Variants in PPARG observed in about 807,000 individuals in gnomAD.
PPARG encodes peroxisome proliferator-activated receptor gamma.
In PPARG, 17 loss-of-function variants were observed where a neutral mutation model predicts 39.2. The ratio of observed to expected loss-of-function variants is 0.43; its 90% CI spans 0.30 to 0.65. PPARG has a LOEUF of 0.65. Among genes scored for constraint, PPARG ranks in the 30% least tolerant of loss-of-function variants. The probability of loss-of-function intolerance (pLI) is 0.13; values close to 1 mark genes in which losing one functional copy is unlikely to be tolerated. For synonymous variants in PPARG, 223 were observed against 215.7 expected, an observed-to-expected ratio of 1.03 and a Z score of -0.30; for missense variants, 406 against 585.9, an observed-to-expected ratio of 0.69 and a Z score of 3.17.
intron 5 of PPARG, among the ~76,000 whole-genome samples, chr3:12,398,733 T>C (rs2050356488): frequency 1.3e-5 from 2 of 152,100 alleles, no homozygotes; most frequent in African/African-American, 2.4e-5. Flanking sequence ...GTCACCAGAA[T>C]TAAAGGCTGG....
chr3:12,427,418 C>A (rs930204084), intron 7 of PPARG, among the ~76,000 whole-genome samples: 6 of 152,168 alleles, frequency 3.9e-5, no homozygotes, highest in African/African-American at 1.4e-4. Flanking sequence ...CTGCTCTAAC[C>A]AAGAACAACT....
intron 2 of PPARG, among the ~76,000 whole-genome samples, chr3:12,364,552 G>A (rs898112913): frequency 6.6e-6 from 1 of 152,154 alleles, no homozygotes; most frequent in South Asian, 2.1e-4. Context: ...GTTTTCAATT[G>A]ATTTGTGTAC....
intron 4 of PPARG, among the ~76,000 whole-genome samples, chr3:12,385,364 C>A (rs1310803632): frequency 6.6e-6 from 1 of 152,006 alleles, no homozygotes; most frequent in Non-Finnish European, 1.5e-5. Flanking sequence ...TGATTCTTGC[C>A]AAAAATTCAG....
chr3:12,288,979 G>A (rs1270489114), upstream of PPARG: 1 of 152,412 alleles, frequency 6.6e-6, no homozygotes, highest in African/African-American at 2.4e-5. Flanking sequence ...TTACGCCTCG[G>A]TGTTTAGGGA....
intron 2 of PPARG, chr3:12,344,856 A>G (rs963319377): frequency 6.6e-6 from 1 of 152,226 alleles, no homozygotes; most frequent in Admixed American, 6.5e-5. Flanking sequence ...CGAAAAGATA[A>G]GAAAACAGAG....
intron 1 of PPARG, among the ~76,000 whole-genome samples, chr3:12,309,583 A>G (rs935004366): frequency 6.6e-6 from 1 of 152,224 alleles, no homozygotes. Context: ...CTACTGAGAA[A>G]CAGCTTATGT....
chr3:12,431,928 G>C (rs1383417886), intron 7 of PPARG, among the ~76,000 whole-genome samples: 2 of 150,774 alleles, frequency 1.3e-5, no homozygotes, highest in Non-Finnish European at 1.5e-5. Context: ...TTAAGACTCT[G>C]TCACAAAAAA....
intron 2 of PPARG, among the ~76,000 whole-genome samples, chr3:12,375,224 A>G (rs2049364429): frequency 6.6e-6 from 1 of 151,944 alleles, no homozygotes. Flanking sequence ...CTGTCTCTTT[A>G]AAAGTGAGGT....
At chr3:12,396,612 G>A (rs1474904896) in intron 5 of PPARG, among the ~76,000 whole-genome samples, 1 of 152,014 alleles carries the variant, frequency 6.6e-6, no homozygotes, top group Non-Finnish European at 1.5e-5. Context: ...CAAAAAATTA[G>A]TCGGGCGTGA....
At chr3:12,351,103 C>T (rs373361158) in intron 2 of PPARG, among the ~76,000 whole-genome samples, 29 of 152,116 alleles carry the variant, frequency 1.9e-4, no homozygotes, top group Admixed American at 5.9e-4. Flanking sequence ...GAATAGACAC[C>T]GAAAGAAAAC....
chr3:12,313,287 A>G (rs1329823268), intron 2 of PPARG, among the ~76,000 whole-genome samples: 1 of 152,182 alleles, frequency 6.6e-6, no homozygotes, highest in African/African-American at 2.4e-5. Context: ...GTTATTATAC[A>G]TATATATGTT....
intron 1 of PPARG, chr3:12,297,925 G>A (rs2046828769): frequency 6.6e-6 from 1 of 152,034 alleles, no homozygotes; most frequent in African/African-American, 2.4e-5. Context: ...AGCAGCTGAT[G>A]CAGATGCACA....
intron 2 of PPARG, among the ~76,000 whole-genome samples, chr3:12,317,029 C>T (rs192927706): frequency 1.3e-5 from 2 of 152,302 alleles, no homozygotes; most frequent in East Asian, 3.9e-4. Flanking sequence ...TATAGATGTA[C>T]TGGATGGAGC....
At chr3:12,401,616 G>GAA (rs11337165) in intron 5 of PPARG, among the ~76,000 whole-genome samples, 1 of 140,792 alleles carries the variant, frequency 7.1e-6, no homozygotes, top group Admixed American at 7.0e-5. Flanking sequence ...CTGAAAGACA[G>GAA]AAAAAAAAAA....
chr3:12,341,824 A>G (rs1400171461), intron 2 of PPARG, among the ~76,000 whole-genome samples: 1 of 151,276 alleles, frequency 6.6e-6, no homozygotes, highest in East Asian at 2.0e-4. Context: ...AAGAAAAAAA[A>G]TTTCCTACTA....
At chr3:12,414,697 GAAAAGAAA>G (rs990245771) in intron 6 of PPARG, among the ~76,000 whole-genome samples, 14 of 151,426 alleles carry the variant, frequency 9.2e-5, no homozygotes, top group African/African-American at 2.9e-4. Context: ...TATTAATCCT[GAAAAGAAA>G]AAAAGAAAAA....
intron 2 of PPARG, among the ~76,000 whole-genome samples, chr3:12,332,919 A>G (rs753709624): frequency 3.9e-5 from 6 of 152,176 alleles, no homozygotes; most frequent in Non-Finnish European, 8.8e-5. Flanking sequence ...TTGTAGTCCC[A>G]GCTACTTGGG....
chr3:12,343,682 T>A (rs1463381137), intron 2 of PPARG, among the ~76,000 whole-genome samples: 18 of 152,150 alleles, frequency 1.2e-4, no homozygotes, highest in Non-Finnish European at 1.5e-5. Flanking sequence ...TTACTAAAAG[T>A]AGGAAAATGG....
intron 2 of PPARG, among the ~76,000 whole-genome samples, chr3:12,314,614 G>A (rs1182983352): frequency 3.9e-5 from 6 of 151,978 alleles, no homozygotes; most frequent in Non-Finnish European, 8.8e-5. Flanking sequence ...TCTGACCCTC[G>A]CCGTTCAACA....
Sources: gnomAD v4.1 joint callset for allele counts (sites outside exome capture counted in the v4.1 genomes callset) on GRCh38, gnomAD v4.1.1 for gene constraint, MANE v1.5 for transcripts, NCBI Gene and HGNC (gene_info 2026-07-23, HGNC 2026-07-21) for gene names.